The following SEC23A variants were observed in gnomAD, a reference collection of about 807,000 sequenced individuals.
SEC23A encodes the protein SEC23 homolog A, COPII component.
SEC23A carries 56 observed loss-of-function variants against 103.7 expected under a neutral mutation model. That is an observed-to-expected ratio of 0.54 (90% CI 0.44 to 0.67). The LOEUF is 0.67. Among genes scored for constraint, SEC23A ranks in the 30% least tolerant of loss-of-function variants. The pLI, the probability that SEC23A is intolerant of heterozygous loss-of-function variation, is 0.00. For synonymous variants in SEC23A, 281 were observed against 293.0 expected (o/e 0.96, Z 0.42); for missense variants, 784 against 936.4 (o/e 0.84, Z 2.12).
At chr14:39,042,508 G>T (rs962507933) in intron 17 of SEC23A, among the ~76,000 whole-genome samples, 2 of 152,204 alleles carry the variant, frequency 1.3e-5, no homozygotes, top group Non-Finnish European at 2.9e-5. Context: ...AAACCCAAAA[G>T]TGCCATTTGT....
chr14:39,099,454 C>A (rs575812692), intron 1 of SEC23A, among the ~76,000 whole-genome samples: 42 of 152,066 alleles, frequency 2.8e-4, no homozygotes, highest in Admixed American at 2.3e-3. Flanking sequence ...CACCGCTCCC[C>A]GCCATTAAAT....
chr14:39,058,759 G>A (rs1399382938), intron 13 of SEC23A, among the ~76,000 whole-genome samples: 2 of 152,180 alleles, frequency 1.3e-5, no homozygotes, highest in Non-Finnish European at 2.9e-5. Context: ...AATTTTGAAA[G>A]TTATGTTTTA....
In SEC23A at chr14:39,065,997, CAAAAAAAAAAAAAAAAAAAAAA is replaced by C. The variant is rs59260008; in HGVS notation, c.1228-1026_1228-1005del. On this transcript the variant is annotated intron_variant, in intron 10 of 19. Coordinates refer to ENST00000307712, the MANE Select transcript of SEC23A (RefSeq NM_006364.4). ...GGGCAATAAGAGCGAAACTCCATCT[CAAAAAAAAAAAAAAAAAAAAAA>C]AAAAAAAAAAAAAACTATAAGTCAC... Among the ~76,000 whole-genome samples the C allele has an allele frequency of 3.7e-5, 3 of 80,556 alleles. 1 individual carries two copies. Among genetic ancestry groups the C allele is most frequent in the Admixed American group, 2.9e-4 (2 of 6,944 alleles). 52.8% of individuals were successfully genotyped at this position (80,556 alleles called of 152,430 possible).
rs535855052 is a variant in SEC23A, at chr14:39,063,233, G to C, written c.1398+91C>G. ...TAAATGTTGGGTTATATCTACTATA[G>C]GAAAAAAAATATGAACTATTCATGG... On this transcript the variant is annotated intron_variant, in intron 12 of 19. Transcript: ENST00000307712. The C allele has an allele frequency of 6.0e-5, 47 of 781,212 alleles. No homozygotes were observed. In the African/African-American group the frequency reaches 7.2e-4, roughly 12 times the overall value. 48.4% of individuals were successfully genotyped at this position (781,212 alleles called of 1,614,324 possible).
At chr14:39,065,645 T>G (rs529506513) in intron 10 of SEC23A, among the ~76,000 whole-genome samples, 18 of 152,232 alleles carry the variant, frequency 1.2e-4, no homozygotes, top group Admixed American at 1.2e-3. Flanking sequence ...GATTCTCACC[T>G]CTATGCCTCT....
intron 9 of SEC23A, among the ~76,000 whole-genome samples, chr14:39,073,545 C>A (rs146129518): frequency 6.7e-6 from 1 of 150,066 alleles, no homozygotes; most frequent in East Asian, 2.0e-4. Context: ...CCTCCCACCT[C>A]GGCTTCTCAA....
intron 1 of SEC23A, among the ~76,000 whole-genome samples, chr14:39,102,635 G>C (rs1313125560): frequency 6.6e-6 from 1 of 152,166 alleles, no homozygotes; most frequent in African/African-American, 2.4e-5. Context: ...GCTGAATTAC[G>C]GTGACGTAGT....
chr14:39,057,570 T>C (rs1162735741), intron 13 of SEC23A, among the ~76,000 whole-genome samples: 1 of 152,138 alleles, frequency 6.6e-6, no homozygotes, highest in East Asian at 1.9e-4. Flanking sequence ...TCTCACTATG[T>C]TGCCCAGGCT....
intron 14 of SEC23A, among the ~76,000 whole-genome samples, chr14:39,050,902 CAT>C (rs1467675777): frequency 1.3e-5 from 2 of 152,198 alleles, no homozygotes; most frequent in Admixed American, 6.5e-5. Context: ...GGCAGTAAAT[CAT>C]GTGTGGATAC....
At chr14:39,065,914 C>T (rs992450042) in intron 10 of SEC23A, among the ~76,000 whole-genome samples, 1 of 140,428 alleles carries the variant, frequency 7.1e-6, no homozygotes, top group Non-Finnish European at 1.5e-5. Context: ...AGGAGAATTG[C>T]TTGAACCCAG....
Position 39,040,759 on chromosome 14 carries a change from G to GT in SEC23A, c.2114dup (p.Tyr705Ter). 2 of 1,614,186 alleles carry GT rather than the reference G, an allele frequency of 1.2e-6. No individual in the cohort carries two copies. The highest frequency in any genetic ancestry group is 1.7e-6 in the Non-Finnish European group (2 of 1,180,034). Residue 705 changes from tyrosine (Y) to a stop codon, truncating the protein, a stop_gained and frameshift_variant, in exon 18 of 20, where the codon TAC (tyrosine) becomes TAAC (stop). Transcript: ENST00000307712. LOFTEE classifies it high-confidence loss of function. ...ILHSRFPMPR[Y>*]IDTEHGGSQA... ...GGCTGCCTCCATGTTCAGTGTCAAT[G>GT]TATCTTGGCATTGGAAATCTGGAGT...
At chr14:39,071,540 C>A (rs1282798725) in intron 9 of SEC23A, among the ~76,000 whole-genome samples, 22 of 152,012 alleles carry the variant, frequency 1.4e-4, no homozygotes, top group Non-Finnish European at 3.2e-4. Context: ...CACAGTGAGA[C>A]TCTGTCTCAA....
Position 39,085,689 on chromosome 14 carries a change from TACACAC to T in SEC23A, c.828+67_828+72del, listed in dbSNP as rs59136053. 1,417 of 1,195,950 alleles carry T rather than the reference TACACAC, an allele frequency of 1.2e-3. 2 individuals are homozygous for T. Among genetic ancestry groups the T allele is most frequent in the South Asian group, 5.3e-3 (425 of 80,360 alleles). 74.1% of individuals were successfully genotyped at this position (1,195,950 alleles called of 1,614,324 possible). On this transcript the variant is annotated intron_variant, in intron 7 of 19. Transcript: ENST00000307712. The stretch of plus-strand genomic sequence containing the variant: ...TTCTTCTTATCCTTATAATTATATA[TACACAC>T]ACACACACACACACACACACACACA...
intron 19 of SEC23A, 43 bp from the exon 20 acceptor site, chr14:39,033,371 A>T (rs1430565941): frequency 8.0e-7 from 1 of 1,253,274 alleles, no homozygotes; most frequent in Non-Finnish European, 1.2e-6. Flanking sequence ...GCATAGGGTG[A>T]TATCATGGAA....
At chr14:39,089,183 G>GA (rs36100124) in intron 5 of SEC23A, among the ~76,000 whole-genome samples, 6 of 135,492 alleles carry the variant, frequency 4.4e-5, no homozygotes, top group South Asian at 2.3e-4. Flanking sequence ...AAAAAAAAAA[G>GA]AAAAAAAAAG....
chr14:39,054,638 A>G (rs1270208938), intron 14 of SEC23A, among the ~76,000 whole-genome samples: 2 of 150,418 alleles, frequency 1.3e-5, no homozygotes, highest in Admixed American at 1.3e-4. Context: ...TGCCTGGCCA[A>G]TTTTTTTTTG....
At chr14:39,071,641 G>A (rs1254548610) in intron 9 of SEC23A, among the ~76,000 whole-genome samples, 1 of 152,178 alleles carries the variant, frequency 6.6e-6, no homozygotes, top group Non-Finnish European at 1.5e-5. Context: ...GAGGAAGGCA[G>A]ATCACAAGGA....
In SEC23A at chr14:39,039,104, G is replaced by A; in HGVS notation, c.2143-8C>T. 2 of 1,611,204 alleles carry A rather than the reference G, an allele frequency of 1.2e-6. No individual in the cohort carries two copies. Among genetic ancestry groups the A allele is most frequent in the South Asian group, 1.1e-5 (1 of 90,914 alleles). Reference sequence around the variant, plus strand: ...TGAAAGGAGGAAACGGGCCTTAAAAGCAAAGAAGAAATAACATTATCCATC... The same window carrying A: ...TGAAAGGAGGAAACGGGCCTTAAAAACAAAGAAGAAATAACATTATCCATC... On this transcript the variant is annotated splice_polypyrimidine_tract_variant and splice_region_variant and intron_variant, in intron 18 of 19. Coordinates refer to ENST00000307712, the MANE Select transcript of SEC23A (RefSeq NM_006364.4).
At chr14:39,085,689 T>TATACACGCAC (rs573160536) in intron 7 of SEC23A, 73 bp downstream of exon 7, 1 of 1,114,032 alleles carries the variant, frequency 9.0e-7, no homozygotes, top group Non-Finnish European at 1.3e-6. Context: ...TAATTATATA[T>TATACACGCAC]ACACACACAC....
Sources: allele counts gnomAD v4.1 joint callset (sites outside exome capture counted in the v4.1 genomes callset), GRCh38; gene constraint gnomAD v4.1.1; transcripts MANE v1.5; gene names NCBI Gene and HGNC (gene_info 2026-07-23, HGNC 2026-07-21).